QPRT: variants seen among roughly 807,000 people sequenced by gnomAD.
QPRT encodes the protein nicotinate-nucleotide pyrophosphorylase [carboxylating].
A neutral mutation model predicts 19.8 loss-of-function variants in QPRT; 17 were observed. The observed-to-expected ratio is 0.86, with a 90% CI of 0.59 to 1.29. The LOEUF is 1.29. Ranked by LOEUF, QPRT falls within the 50% of genes most tolerant of loss-of-function variation. The probability of loss-of-function intolerance (pLI) is 0.00; values close to 1 mark genes in which losing one functional copy is unlikely to be tolerated. For missense variants in QPRT, 336 were observed against 405.1 expected, an observed-to-expected ratio of 0.83 and a Z score of 1.46; for synonymous variants, 178 against 191.0, an observed-to-expected ratio of 0.93 and a Z score of 0.56.
At chr16:29,688,782 C>A (rs1596791469) in intron 1 of QPRT, among the ~76,000 whole-genome samples, 1 of 133,838 alleles carries the variant, frequency 7.5e-6, no homozygotes, top group Admixed American at 7.6e-5. Flanking sequence ...TTTTTATTCT[C>A]TTTTTTTTTT....
intron 1 of QPRT, among the ~76,000 whole-genome samples, chr16:29,690,372 A>G (rs1967291065): frequency 6.6e-6 from 1 of 152,162 alleles, no homozygotes; most frequent in Admixed American, 6.6e-5. Flanking sequence ...TTGGGTATAT[A>G]CCCAGTAATG....
chr16:29,684,495 T>C (rs1242199545), intron 1 of QPRT, among the ~76,000 whole-genome samples: 3 of 151,896 alleles, frequency 2.0e-5, no homozygotes, highest in African/African-American at 7.3e-5. Context: ...GGGGTTTTGC[T>C]ATGTTGGCCC....
chr16:29,695,515 A>C, intron 2 of QPRT, among the ~76,000 whole-genome samples: 1 of 99,954 alleles, frequency 1.0e-5, no homozygotes, highest in African/African-American at 4.0e-5. Flanking sequence ...TTTGAGATGG[A>C]GTCTCACTCT....
chr16:29,687,220 G>A (rs553522524), intron 1 of QPRT, among the ~76,000 whole-genome samples: 7 of 152,210 alleles, frequency 4.6e-5, no homozygotes, highest in Admixed American at 2.0e-4. Context: ...GTCTACGGCT[G>A]TTTCCTCTCG....
At chr16:29,683,287 C>T (rs977881963) in intron 1 of QPRT, among the ~76,000 whole-genome samples, 3 of 151,942 alleles carry the variant, frequency 2.0e-5, no homozygotes, top group African/African-American at 7.3e-5. Context: ...ACCTTGGCCT[C>T]CCAAAGTGCT....
At chr16:29,693,295 C>G (rs559808051) in intron 1 of QPRT, among the ~76,000 whole-genome samples, 26 of 151,912 alleles carry the variant, frequency 1.7e-4, no homozygotes, top group Admixed American at 6.6e-5. Flanking sequence ...TGTTTTGAGA[C>G]GGAGTCTTGC....
intron 1 of QPRT, among the ~76,000 whole-genome samples, chr16:29,682,554 T>A (rs1424521153): frequency 2.0e-5 from 3 of 152,002 alleles, no homozygotes; most frequent in Non-Finnish European, 4.4e-5. Context: ...TTTGCATTTT[T>A]TTTTTTAGTA....
Position 29,680,205 on chromosome 16 carries a change from C to T in QPRT, c.13+995C>T, listed in dbSNP as rs565449263. 9.6e-4 allele frequency among the ~76,000 whole-genome samples: 146 copies of T among 152,246 alleles called. 1 individual carries two copies. Among genetic ancestry groups the T allele is most frequent in the Middle Eastern group, 3.4e-3 (1 of 294 alleles). ...TTTCCCAACCTCGTGATCCGCCCGT[C>T]TCTGCCTCCCAAAGTGCTGGGATTA... On this transcript the variant is annotated intron_variant, in intron 1 of 3. Transcript: ENST00000395384.
intron 1 of QPRT, among the ~76,000 whole-genome samples, chr16:29,683,016 C>G (rs1967054216): frequency 6.6e-6 from 1 of 151,546 alleles, no homozygotes; most frequent in Non-Finnish European, 1.5e-5. Context: ...AGCCACCACA[C>G]CTGACTGATT....
intron 1 of QPRT, among the ~76,000 whole-genome samples, chr16:29,689,011 T>A (rs1006741558): frequency 1.3e-5 from 2 of 151,484 alleles, no homozygotes; most frequent in African/African-American, 4.9e-5. Flanking sequence ...AAACTCCTGA[T>A]CTCAGGTGAT....
At chr16:29,694,512 C>A in intron 1 of QPRT, 152 bp from the exon 2 acceptor site, 1 of 742,108 alleles carries the variant, frequency 1.3e-6, no homozygotes, top group Non-Finnish European at 2.1e-6. Flanking sequence ...CCCCCACGCC[C>A]CCCTTCCTCA....
intron 2 of QPRT, 105 bp downstream of exon 2, chr16:29,695,304 C>T (rs952925328): frequency 7.7e-7 from 1 of 1,294,500 alleles, no homozygotes; most frequent in Non-Finnish European, 1.0e-6. Flanking sequence ...CAGCCATGGC[C>T]TGGAGTCAGC....
chr16:29,688,166 C>T (rs191549260), intron 1 of QPRT, among the ~76,000 whole-genome samples: 1 of 151,934 alleles, frequency 6.6e-6, no homozygotes. Context: ...TTATAGCCAA[C>T]GAGCAGAGTT....
Position 29,679,248 on chromosome 16 carries a change from TCCCCCCACTGCCTA to T in QPRT, c.13+43_13+56del, listed in dbSNP as rs957382214. 5 of 1,524,388 alleles carry T rather than the reference TCCCCCCACTGCCTA, an allele frequency of 3.3e-6. No individual in the cohort carries two copies. In the African/African-American group the frequency reaches 6.9e-5, roughly 21 times the overall value. 94.4% of individuals were successfully genotyped at this position (1,524,388 alleles called of 1,614,324 possible). On this transcript the variant is annotated intron_variant, in intron 1 of 3. Coordinates refer to ENST00000395384, the MANE Select transcript of QPRT (RefSeq NM_014298.6). Reference sequence around the variant, plus strand: ...TCTCTCTGCCATGTCCCTGCACCCATCCCCCCACTGCCTACCCCTGCCCCCACCCTGGCTTGTCT... The same window carrying T: ...TCTCTCTGCCATGTCCCTGCACCCATCCCCTGCCCCCACCCTGGCTTGTCT...
intron 1 of QPRT, among the ~76,000 whole-genome samples, chr16:29,681,160 A>G (rs1456509161): frequency 6.6e-6 from 1 of 151,914 alleles, no homozygotes; most frequent in East Asian, 1.9e-4. Flanking sequence ...CTTTTGAAAC[A>G]ACGCCGACCT....
chr16:29,690,511 C>T (rs1358745476), intron 1 of QPRT, among the ~76,000 whole-genome samples: 1 of 151,950 alleles, frequency 6.6e-6, no homozygotes, highest in Non-Finnish European at 1.5e-5. Context: ...TTTGCAACCT[C>T]GCCAGATCTC....
Position 29,694,816 on chromosome 16 carries a change from G to C in QPRT, c.166G>C (p.Gly56Arg). The change falls in exon 2 of 4, where the codon GGG (glycine) becomes CGG (arginine). Residue 56 changes from glycine to arginine, a missense_variant. Gly to Arg is a moderately radical substitution (Grantham distance 125). Coordinates refer to ENST00000395384, the MANE Select transcript of QPRT (RefSeq NM_014298.6). ...LWAKSPGVLA[G>R]QPFFDAIFTQ... The stretch of plus-strand genomic sequence containing the variant: ...GGCCAAATCCCCTGGGGTACTGGCA[G>C]GGCAGCCTTTCTTCGATGCCATATT... 6.2e-7 allele frequency: 1 copy of C among 1,613,974 alleles called. No individual in the cohort carries two copies. The highest frequency in any genetic ancestry group is 8.5e-7 in the Non-Finnish European group (1 of 1,179,840).
rs552453603 is a variant in QPRT at position 29,690,355 on chromosome 16, C to T, written c.14-4309C>T. On this transcript the variant is annotated intron_variant, in intron 1 of 3. Transcript: ENST00000395384. ...TGTGTCTTTATAACAGAATGGTTTA[C>T]ATTCCTTTGGGTATATACCCAGTAA... Among the ~76,000 whole-genome samples, 7 of 152,304 alleles carry T rather than the reference C, an allele frequency of 4.6e-5. No individual in the cohort carries two copies. The South Asian group carries it at 1.5e-3, about 32-fold the overall frequency.
chr16:29,681,261 A>T (rs1395747272), intron 1 of QPRT, among the ~76,000 whole-genome samples: 1 of 152,000 alleles, frequency 6.6e-6, no homozygotes, highest in Non-Finnish European at 1.5e-5. Flanking sequence ...TGGACAATGG[A>T]GTTGGTGGCA....
Sources: allele counts gnomAD v4.1 joint callset (sites outside exome capture counted in the v4.1 genomes callset), GRCh38; gene constraint gnomAD v4.1.1; transcripts MANE v1.5; gene names NCBI Gene and HGNC (gene_info 2026-07-23, HGNC 2026-07-21).